The following CRISPLD2 variants were observed in gnomAD, a reference collection of about 807,000 sequenced individuals.
CRISPLD2 encodes cysteine-rich secretory protein LCCL domain-containing 2.
In CRISPLD2, 47 loss-of-function variants were observed where a neutral mutation model predicts 71.1. The ratio of observed to expected loss-of-function variants is 0.66; its 90% CI spans 0.52 to 0.84. The LOEUF (loss-of-function observed/expected upper bound fraction) is 0.84, where lower values mean the gene tolerates loss of function less well. Among genes scored for constraint, CRISPLD2 ranks in the 40% least tolerant of loss-of-function variants. The pLI is 0.00. For missense variants in CRISPLD2, 830 were observed against 651.1 expected, an observed-to-expected ratio of 1.27 and a Z score of -2.99; for synonymous variants, 317 against 250.1, an observed-to-expected ratio of 1.27 and a Z score of -2.52.
chr16:84,893,867 C>G (rs560021477), intron 14 of CRISPLD2, among the ~76,000 whole-genome samples: 1 of 152,342 alleles, frequency 6.6e-6, no homozygotes, highest in South Asian at 2.1e-4. Flanking sequence ...AGCCTGGAGT[C>G]AGAGGGTGGC....
At chr16:84,894,882 C>A (rs1039869324) in intron 14 of CRISPLD2, among the ~76,000 whole-genome samples, 1 of 152,076 alleles carries the variant, frequency 6.6e-6, no homozygotes, top group East Asian at 1.9e-4. Flanking sequence ...CACCGAGAAT[C>A]TCAAGGGTCA....
intron 14 of CRISPLD2, among the ~76,000 whole-genome samples, chr16:84,893,198 C>G (rs537655336): frequency 7.0e-4 from 107 of 152,154 alleles, no homozygotes; most frequent in African/African-American, 2.5e-3. Context: ...GGCAGTCTCC[C>G]TGGGCCTTGG....
At position 84,845,798 on chromosome 16, in the gene CRISPLD2, G is replaced by A. The variant is rs1198429295; in HGVS notation, c.253G>A (p.Glu85Lys). 1.8e-5 allele frequency: 29 copies of A among 1,612,560 alleles called. No homozygotes were observed. The highest frequency in any genetic ancestry group is 1.7e-4 in the Middle Eastern group (1 of 6,054). ...CCTTCTCCTGCAGACCTGGGATGAC[G>A]AACTGGAGAAGTCTGCTGCAGCGTG... ...SNMEYMTWDD[E>K]LEKSAAAWAS... The change falls in exon 3 of 15, where the codon GAA becomes AAA. Residue 85 changes from glutamate (E) to lysine (K), a missense_variant. By Grantham distance (56) the Glu-to-Lys change is moderately conservative. Coordinates refer to ENST00000262424, the MANE Select transcript of CRISPLD2 (RefSeq NM_031476.4).
Position 84,849,453 on chromosome 16 carries a change from C to G in CRISPLD2, c.428C>G (p.Pro143Arg), listed in dbSNP as rs750229143. The change falls in exon 4 of 15, where the codon CCG (proline) becomes CGG (arginine). Residue 143 changes from proline (P) to arginine (R), a missense_variant. Coordinates refer to ENST00000262424, the MANE Select transcript of CRISPLD2 (RefSeq NM_031476.4). ...GTGAAGGACTACACCTACCCCTACC[C>G]GAGCGAGTGCAACCCCTGGTGTCCA... is the stretch of plus-strand genomic sequence containing the variant. Reference protein sequence around the residue: ...DEVKDYTYPYPSECNPWCPER... With the variant: ...DEVKDYTYPYRSECNPWCPER... 3.7e-6 allele frequency: 6 copies of G among 1,614,126 alleles called. No homozygotes were observed. Among genetic ancestry groups the G allele is most frequent in the African/African-American group, 2.7e-5 (2 of 75,036 alleles).
At position 84,880,588 on chromosome 16, in the gene CRISPLD2, A is replaced by G. The variant is rs762964182; in HGVS notation, c.1305+4A>G. The stretch of plus-strand genomic sequence containing the variant: ...TGGAACCAACATCTATGCAGATGTG[A>G]GTAGGATGCATTTTCAACAACTATC... On this transcript the variant is annotated splice_donor_region_variant and intron_variant, in intron 13 of 14. Coordinates refer to ENST00000262424, the MANE Select transcript of CRISPLD2 (RefSeq NM_031476.4). 1 of 1,610,852 alleles carries G rather than the reference A, an allele frequency of 6.2e-7. No homozygotes were observed. The highest frequency in any genetic ancestry group is 8.5e-7 in the Non-Finnish European group (1 of 1,177,246).
intron 5 of CRISPLD2, among the ~76,000 whole-genome samples, chr16:84,852,395 C>T (rs554044917): frequency 6.6e-6 from 1 of 152,330 alleles, no homozygotes; most frequent in Non-Finnish European, 1.5e-5. Flanking sequence ...TCTTTCCCAT[C>T]GGTCTGTGGT....
chr16:84,852,424 T>C (rs2641698), intron 5 of CRISPLD2, among the ~76,000 whole-genome samples: 101,165 of 152,078 alleles, frequency 0.67, 33,873 homozygotes, highest in East Asian at 0.83. Flanking sequence ...TGGGACCTCA[T>C]ATGAAGGGGG....
At chr16:84,826,053 G>A (rs781360653) in intron 1 of CRISPLD2, among the ~76,000 whole-genome samples, 5 of 152,206 alleles carry the variant, frequency 3.3e-5, no homozygotes, top group Non-Finnish European at 7.3e-5. Flanking sequence ...AGAAGCTGTG[G>A]GGTGGGGCTG....
intron 5 of CRISPLD2, among the ~76,000 whole-genome samples, chr16:84,850,941 A>C (rs941893966): frequency 6.6e-5 from 10 of 152,284 alleles, no homozygotes; most frequent in Admixed American, 2.6e-4. Flanking sequence ...CATCTCCCCA[A>C]GCACAAGGAA....
intron 13 of CRISPLD2, 38 bp downstream of exon 13, chr16:84,880,622 C>A: frequency 6.4e-7 from 1 of 1,550,974 alleles, no homozygotes. Context: ...TCTCGCAAAG[C>A]CTGTTAAAGA....
At chr16:84,835,320 G>A (rs1916591671) in intron 1 of CRISPLD2, among the ~76,000 whole-genome samples, 1 of 152,054 alleles carries the variant, frequency 6.6e-6, no homozygotes, top group South Asian at 2.1e-4. Context: ...GAACTTCTCA[G>A]GTGATCCACC....
At chr16:84,878,904 C>A in intron 12 of CRISPLD2, among the ~76,000 whole-genome samples, 1 of 152,208 alleles carries the variant, frequency 6.6e-6, no homozygotes, top group East Asian at 1.9e-4. Flanking sequence ...GAATGACAGT[C>A]CCAGGACCCT....
intron 10 of CRISPLD2, 26 bp downstream of exon 10, chr16:84,873,148 G>C (rs186989358): frequency 6.2e-7 from 1 of 1,600,260 alleles, no homozygotes; most frequent in Non-Finnish European, 8.5e-7. Context: ...TCGGGGCTCT[G>C]TGAAACGGTT....
chr16:84,821,356 GA>G (rs1363838252), intron 1 of CRISPLD2, among the ~76,000 whole-genome samples: 1 of 152,226 alleles, frequency 6.6e-6, no homozygotes, highest in Non-Finnish European at 1.5e-5. Flanking sequence ...CCACTCAGGA[GA>G]AGGGGTGGGT....
chr16:84,850,500 A>G (rs1917056050), intron 4 of CRISPLD2, 68 bp from the exon 5 acceptor site: 2 of 1,339,272 alleles, frequency 1.5e-6, no homozygotes, highest in Middle Eastern at 1.8e-4. Flanking sequence ...TTATACATCC[A>G]GGCCAAATGA....
At chr16:84,882,367 A>AAAG (rs1555564967) in intron 13 of CRISPLD2, among the ~76,000 whole-genome samples, 2 of 101,626 alleles carry the variant, frequency 2.0e-5, no homozygotes, top group African/African-American at 3.8e-5. Flanking sequence ...AAAAAAAAAA[A>AAAG]AAAAGCAAGA....
rs558589260 is a variant in CRISPLD2, at chr16:84,891,006, A to T, written c.1439+1643A>T. Reference sequence around the variant, plus strand: ...GGTCTCCAACTCCTGACCTCAGGTGATCTGCCTGGCTTGGCCTCCCAAAGT... The same window carrying T: ...GGTCTCCAACTCCTGACCTCAGGTGTTCTGCCTGGCTTGGCCTCCCAAAGT... On this transcript the variant is annotated intron_variant, in intron 14 of 14. Coordinates refer to ENST00000262424, the MANE Select transcript of CRISPLD2 (RefSeq NM_031476.4). 3.9e-5 allele frequency among the ~76,000 whole-genome samples: 6 copies of T among 152,228 alleles called. No homozygotes were observed. The East Asian group carries it at 1.2e-3, about 29-fold the overall frequency.
At chr16:84,900,507 T>C (rs1471517102) in intron 14 of CRISPLD2, among the ~76,000 whole-genome samples, 1 of 151,794 alleles carries the variant, frequency 6.6e-6, no homozygotes, top group African/African-American at 2.4e-5. Flanking sequence ...CTTCTATTGG[T>C]CAAGAACCAA....
intron 13 of CRISPLD2, among the ~76,000 whole-genome samples, chr16:84,888,812 C>T (rs2071635758): frequency 6.6e-6 from 1 of 152,174 alleles, no homozygotes; most frequent in African/African-American, 2.4e-5. Context: ...GAGCAGTTCC[C>T]CCTGATGAAA....
Sources: gnomAD v4.1 joint callset for allele counts (sites outside exome capture counted in the v4.1 genomes callset) on GRCh38, gnomAD v4.1.1 for gene constraint, MANE v1.5 for transcripts, NCBI Gene and HGNC (gene_info 2026-07-23, HGNC 2026-07-21) for gene names.